The following TBCK variants were observed in gnomAD, a reference collection of about 807,000 sequenced individuals.
TBCK encodes the protein TBC domain-containing protein kinase-like protein.
A neutral mutation model predicts 113.4 loss-of-function variants in TBCK; 99 were observed. The observed-to-expected ratio is 0.87, with a 90% CI of 0.74 to 1.03. The LOEUF (loss-of-function observed/expected upper bound fraction) is 1.03. Ranked by LOEUF, TBCK falls within the 50% of genes least tolerant of loss-of-function variation. TBCK has a pLI of 0.00. For synonymous variants in TBCK, 369 were observed against 370.8 expected (o/e 1.00, Z 0.05); for missense variants, 1,045 against 1,061.3 (o/e 0.98, Z 0.21).
intron 10 of TBCK, among the ~76,000 whole-genome samples, chr4:106,245,855 T>C (rs1445041516): frequency 6.6e-6 from 1 of 152,138 alleles, no homozygotes; most frequent in Non-Finnish European, 1.5e-5. Flanking sequence ...TTTTTCCCTA[T>C]AAGTAGCCCT....
chr4:106,053,373 C>A (rs1291893588), intron 25 of TBCK, among the ~76,000 whole-genome samples: 1 of 151,690 alleles, frequency 6.6e-6, no homozygotes, highest in African/African-American at 2.4e-5. Flanking sequence ...CATTCTGAAT[C>A]TGACTTGGCC....
In TBCK at chr4:106,116,396, C is replaced by T. The variant is rs1560668816; in HGVS notation, c.2236-18G>A. 1.9e-6 allele frequency: 3 copies of T among 1,549,262 alleles called. No homozygotes were observed. The highest frequency in any genetic ancestry group is 1.2e-5 in the South Asian group (1 of 83,136). On this transcript the variant is annotated intron_variant, in intron 23 of 25. Transcript: ENST00000394708. ...TCTCTTGACTGAAAAAAAAAATGTA[C>T]AAAAAAAAATATTGAGAATATTATA...
intron 23 of TBCK, among the ~76,000 whole-genome samples, chr4:106,120,244 T>TG (rs1214301223): frequency 6.6e-6 from 1 of 152,084 alleles, no homozygotes; most frequent in African/African-American, 2.4e-5. Flanking sequence ...ACCCGAATAT[T>TG]GCGCTTTTCG....
Position 106,137,739 on chromosome 4 carries a change from G to A in TBCK, c.2236-21361C>T, listed in dbSNP as rs2149642318. 1.4e-5 allele frequency among the ~76,000 whole-genome samples: 2 copies of A among 139,948 alleles called. 1 individual carries two copies. Among genetic ancestry groups the A allele is most frequent in the East Asian group, 4.1e-4 (2 of 4,890 alleles). The allele number at this position is 139,948 out of a possible 152,430, so 91.8% of individuals were successfully genotyped here. On this transcript the variant is annotated intron_variant, in intron 23 of 25. Transcript: ENST00000394708. ...GAGAATCTCCTCCCCTCAAACAGAA[G>A]AGAGACAACATACATGAATATGAAA...
At chr4:106,212,720 A>C in intron 20 of TBCK, 30 bp downstream of exon 20, 1 of 1,466,516 alleles carries the variant, frequency 6.8e-7, no homozygotes, top group Non-Finnish European at 9.4e-7. Flanking sequence ...TTTTTTAACC[A>C]CATGTTCTAT....
At chr4:106,242,155 C>T (rs868433625) in intron 12 of TBCK, among the ~76,000 whole-genome samples, 1 of 151,980 alleles carries the variant, frequency 6.6e-6, no homozygotes, top group Non-Finnish European at 1.5e-5. Flanking sequence ...ATTAGTATTA[C>T]AGCAAAATAC....
intron 23 of TBCK, among the ~76,000 whole-genome samples, chr4:106,137,005 G>C (rs1746636246): frequency 7.1e-6 from 1 of 140,668 alleles, no homozygotes; most frequent in South Asian, 2.4e-4. Context: ...TGGTTGATTA[G>C]AAAAAAAGAT....
chr4:106,273,786 AG>A (rs1415349437), intron 3 of TBCK, among the ~76,000 whole-genome samples: 1 of 152,248 alleles, frequency 6.6e-6, no homozygotes, highest in Non-Finnish European at 1.5e-5. Context: ...AAGCCTCCAA[AG>A]GGGGTGTGAC....
intron 7 of TBCK, 124 bp downstream of exon 7, chr4:106,250,294 A>C: frequency 1.7e-6 from 1 of 604,438 alleles, no homozygotes; most frequent in African/African-American, 2.0e-5. Context: ...ATCATTAGCA[A>C]CTTGAGTAAA....
intron 23 of TBCK, among the ~76,000 whole-genome samples, chr4:106,152,282 T>C (rs1748587866): frequency 2.0e-5 from 3 of 152,058 alleles, no homozygotes; most frequent in Admixed American, 2.0e-4. Context: ...GTGAGGGTTT[T>C]TTAATCATAA....
chr4:106,260,468 C>T lies in TBCK; in HGVS notation c.424G>A (p.Ala142Thr), dbSNP rs1216760409. ...LAKFGLYHMT[A>T]HGDDVDFPIG... ...GGGAAATCAACATCATCACCATGAGCTGTCATGTGATAAAGTCCAAATTTA... is the reference window on the plus strand; with the variant it reads ...GGGAAATCAACATCATCACCATGAGTTGTCATGTGATAAAGTCCAAATTTA... Residue 142 changes from alanine (A) to threonine (T), a missense_variant, in exon 5 of 26, where the codon GCT becomes ACT. Coordinates refer to ENST00000394708, the MANE Select transcript of TBCK (RefSeq NM_001163435.3). The T allele has an allele frequency of 1.4e-6, 2 of 1,402,716 alleles. No individual in the cohort carries two copies. Among genetic ancestry groups the T allele is most frequent in the Non-Finnish European group, 1.9e-6 (2 of 1,058,094 alleles). 86.9% of individuals were successfully genotyped at this position (1,402,716 alleles called of 1,614,324 possible). A position where few individuals can be genotyped will look rare whatever the true frequency, so the allele number is the denominator to read the frequency against.
chr4:106,183,677 G>T (rs1330291204), intron 22 of TBCK, among the ~76,000 whole-genome samples: 1 of 152,036 alleles, frequency 6.6e-6, no homozygotes, highest in Non-Finnish European at 1.5e-5. Context: ...CACACAATTT[G>T]TATGCTTCAC....
intron 25 of TBCK, among the ~76,000 whole-genome samples, chr4:106,092,837 C>T (rs527324839): frequency 1.3e-5 from 2 of 152,328 alleles, no homozygotes; most frequent in South Asian, 2.1e-4. Flanking sequence ...GAAGGGGCTC[C>T]CACAGTGCAG....
chr4:106,147,838 C>T (rs965684412), intron 23 of TBCK, among the ~76,000 whole-genome samples: 3 of 152,198 alleles, frequency 2.0e-5, no homozygotes, highest in African/African-American at 7.2e-5. Flanking sequence ...ACTCTGACCA[C>T]CAGTGAGCCA....
intron 16 of TBCK, among the ~76,000 whole-genome samples, 200 bp downstream of exon 16, chr4:106,233,388 A>G (rs975435820): frequency 2.0e-5 from 3 of 152,066 alleles, no homozygotes; most frequent in African/African-American, 7.2e-5. Flanking sequence ...AGTATTTTTA[A>G]AAAGGTAACT....
intron 6 of TBCK, chr4:106,251,031 T>G (rs1297779288): frequency 5.5e-6 from 1 of 180,652 alleles, no homozygotes; most frequent in African/African-American, 2.4e-5. Flanking sequence ...CTTACTAGTC[T>G]GCCTCAGGAG....
At chr4:106,227,185 G>A (rs972345273) in intron 19 of TBCK, among the ~76,000 whole-genome samples, 8 of 151,878 alleles carry the variant, frequency 5.3e-5, no homozygotes, top group South Asian at 4.1e-4. Flanking sequence ...TGGATTTTGC[G>A]TTTCAAAATT....
At chr4:106,146,593 T>C (rs55634475) in intron 23 of TBCK, among the ~76,000 whole-genome samples, 28,388 of 152,058 alleles carry the variant, frequency 0.19, 2,670 homozygotes, top group South Asian at 0.25. Context: ...CCTAAAATAA[T>C]AGTTAAAAAA....
At chr4:106,215,233 A>G (rs1756728048) in intron 19 of TBCK, among the ~76,000 whole-genome samples, 1 of 152,156 alleles carries the variant, frequency 6.6e-6, no homozygotes, top group African/African-American at 2.4e-5. Flanking sequence ...CATGGAAAGG[A>G]ACAACCGGTA....
Sources: allele counts gnomAD v4.1 joint callset (sites outside exome capture counted in the v4.1 genomes callset), GRCh38; gene constraint gnomAD v4.1.1; transcripts MANE v1.5; gene names NCBI Gene and HGNC (gene_info 2026-07-23, HGNC 2026-07-21).